SPATA6L: variants seen among roughly 807,000 people sequenced by gnomAD.
SPATA6L encodes the protein spermatogenesis associated 6-like protein.
In SPATA6L, 68 loss-of-function variants were observed where a neutral mutation model predicts 49.2. The observed-to-expected ratio is 1.38, with a 90% CI of 1.14 to 1.69. The LOEUF is 1.69. SPATA6L is among the 40% of genes most tolerant of loss of function. The pLI is 0.00. For synonymous variants in SPATA6L, 198 were observed against 165.7 expected, an observed-to-expected ratio of 1.19 and a Z score of -1.50; for missense variants, 668 against 464.3, an observed-to-expected ratio of 1.44 and a Z score of -4.03.
intron 3 of SPATA6L, among the ~76,000 whole-genome samples, chr9:4,638,176 T>C (rs1013013344): frequency 6.6e-6 from 1 of 151,986 alleles, no homozygotes; most frequent in Non-Finnish European, 1.5e-5. Context: ...ATAGAGAGGC[T>C]AGGAAGACAG....
At chr9:4,618,656 A>G (rs929380183) in intron 8 of SPATA6L, among the ~76,000 whole-genome samples, 1 of 152,216 alleles carries the variant, frequency 6.6e-6, no homozygotes, top group African/African-American at 2.4e-5. Flanking sequence ...TTGGTGATTC[A>G]TCCTACTTAT....
intron 7 of SPATA6L, among the ~76,000 whole-genome samples, chr9:4,621,872 C>A (rs1829387780): frequency 6.6e-6 from 1 of 152,156 alleles, no homozygotes; most frequent in African/African-American, 2.4e-5. Flanking sequence ...AAGAAAAGCT[C>A]TTTGGGCTCT....
chr9:4,651,117 C>G (rs891335364), intron 3 of SPATA6L, among the ~76,000 whole-genome samples: 3 of 152,128 alleles, frequency 2.0e-5, no homozygotes, highest in African/African-American at 7.2e-5. Context: ...ATCCTTTCAC[C>G]TCAGCCTCCT....
chr9:4,660,041 A>C lies in SPATA6L; in HGVS notation c.177+1858T>G, dbSNP rs201324713. On this transcript the variant is annotated intron_variant, in intron 2 of 11. Transcript: ENST00000682582. ...TACAAAAATTAATTCAAGATGGATT[A>C]AAGACTTAAATGTTAGACCTAAAAC... Among the ~76,000 whole-genome samples the C allele has an allele frequency of 1.5e-3, 229 of 152,374 alleles. 3 individuals carry two copies. The East Asian group carries it at 0.033, about 22-fold the overall frequency.
intron 3 of SPATA6L, among the ~76,000 whole-genome samples, chr9:4,637,142 C>G (rs1832970290): frequency 6.6e-6 from 1 of 152,146 alleles, no homozygotes; most frequent in Admixed American, 6.6e-5. Flanking sequence ...TATTGCCACT[C>G]TCCCCCTTGA....
At chr9:4,609,027 A>T (rs1282365421) in intron 9 of SPATA6L, among the ~76,000 whole-genome samples, 1 of 151,172 alleles carries the variant, frequency 6.6e-6, no homozygotes, top group Non-Finnish European at 1.5e-5. Context: ...CCTCTACGCA[A>T]ATAAACTACA....
At chr9:4,652,238 T>C (rs1441496353) in intron 3 of SPATA6L, among the ~76,000 whole-genome samples, 3 of 151,700 alleles carry the variant, frequency 2.0e-5, no homozygotes, top group Non-Finnish European at 2.9e-5. Flanking sequence ...CTGACAAACA[T>C]GGAGAAACCC....
chr9:4,603,017 G>C (rs1823749980), intron 11 of SPATA6L, among the ~76,000 whole-genome samples: 2 of 152,186 alleles, frequency 1.3e-5, no homozygotes. Flanking sequence ...GAAAAGAAAA[G>C]AATATATGAG....
rs529927378 is a variant in SPATA6L at position 4,606,155 on chromosome 9, C to T, written c.996-715G>A. ...CCTGGCTCGGAGGGTCCTACGCCCA[C>T]GGAGTCTCGCTGATTGCTAGCACAG... On this transcript the variant is annotated intron_variant, in intron 9 of 11. Transcript: ENST00000682582. Among the ~76,000 whole-genome samples, 11 of 151,858 alleles carry T rather than the reference C, an allele frequency of 7.2e-5. 1 individual carries two copies. The highest frequency in any genetic ancestry group is 3.9e-4 in the East Asian group (2 of 5,122).
intron 3 of SPATA6L, among the ~76,000 whole-genome samples, chr9:4,641,248 T>C (rs1833971780): frequency 6.6e-6 from 1 of 152,182 alleles, no homozygotes; most frequent in Non-Finnish European, 1.5e-5. Flanking sequence ...TTATATATAC[T>C]GTATTTAATA....
intron 8 of SPATA6L, 91 bp from the exon 9 acceptor site, chr9:4,618,201 C>T (rs180744616): frequency 3.5e-5 from 39 of 1,125,466 alleles, no homozygotes; most frequent in Admixed American, 3.0e-4. Context: ...GAAGATAACT[C>T]GGGCTAAGAT....
At position 4,592,113 on chromosome 9, in the gene SPATA6L, G is replaced by C. The variant is rs972810441; in HGVS notation, c.*255-3152C>G. ...GTGGATCATCTGAGGTCAGGAGTTC[G>C]AGACCAGCCTGGCCAACATGATGAA... is the stretch of plus-strand genomic sequence containing the variant. On this transcript the variant is annotated intron_variant and NMD_transcript_variant, in intron 13 of 13. Coordinates refer to the SPATA6L transcript ENST00000461761. 1.8e-4 allele frequency among the ~76,000 whole-genome samples: 27 copies of C among 151,984 alleles called. 1 individual carries two copies. Among genetic ancestry groups the C allele is most frequent in the Admixed American group, 1.8e-3 (27 of 15,268 alleles).
rs929592613 is a variant in SPATA6L at position 4,649,433 on chromosome 9, T to C, written c.226+6608A>G. ...GATTATGGTCAGGCTCTAAATTCTA[T>C]ATAGTCAATTAATTCTCATCATAAC... is the stretch of plus-strand genomic sequence containing the variant. On this transcript the variant is annotated intron_variant, in intron 3 of 11. Coordinates refer to ENST00000682582, the MANE Select transcript of SPATA6L (RefSeq NM_001353486.2). Among the ~76,000 whole-genome samples the C allele has an allele frequency of 5.9e-5, 9 of 152,382 alleles. No individual in the cohort carries two copies. In the East Asian group the frequency reaches 1.5e-3, roughly 26 times the overall value.
intron 9 of SPATA6L, 82 bp downstream of exon 9, chr9:4,617,841 G>T: frequency 8.6e-7 from 1 of 1,158,526 alleles, no homozygotes; most frequent in East Asian, 2.5e-5. Context: ...CCTAAGAAAG[G>T]AAGCTGGTGA....
At chr9:4,595,994 A>C (rs1822223052), downstream of SPATA6L, among the ~76,000 whole-genome samples, 3 of 152,178 alleles carry the variant, frequency 2.0e-5, no homozygotes, top group African/African-American at 7.2e-5. Flanking sequence ...GGGGTGTTAC[A>C]TGCTCCACTT....
At chr9:4,647,425 C>G (rs1387777440) in intron 3 of SPATA6L, among the ~76,000 whole-genome samples, 1 of 152,048 alleles carries the variant, frequency 6.6e-6, no homozygotes, top group African/African-American at 2.4e-5. Flanking sequence ...AACCCCGTGT[C>G]TACTAAAAAT....
At chr9:4,623,006 A>G (rs4742019) in intron 6 of SPATA6L, among the ~76,000 whole-genome samples, 34,664 of 152,054 alleles carry the variant, frequency 0.23, 6,101 homozygotes, top group African/African-American at 0.48. Flanking sequence ...TAGGCCGGGT[A>G]CAGTGGCTCA....
chr9:4,637,586 A>G (rs913925727), intron 3 of SPATA6L, among the ~76,000 whole-genome samples: 10 of 152,180 alleles, frequency 6.6e-5, no homozygotes, highest in African/African-American at 2.2e-4. Flanking sequence ...CAAGACAATC[A>G]CACCTGAAAA....
In SPATA6L at chr9:4,662,386, C is replaced by A. The variant is rs745374841; in HGVS notation, c.40-350G>T. ...GGGCCGCCAGCTGCGATGCCAAGTC[C>A]CCGGAGGAGCATGGAGGGACGGCCG... On this transcript the variant is annotated intron_variant, in intron 1 of 11. Coordinates refer to ENST00000682582, the MANE Select transcript of SPATA6L (RefSeq NM_001353486.2). This position sits in a 1 kb window ranked among gnomAD's most constrained non-coding sequence, Gnocchi z 4.9. 6.5e-7 allele frequency: 1 copy of A among 1,528,420 alleles called. No individual in the cohort carries two copies. Among genetic ancestry groups the A allele is most frequent in the Non-Finnish European group, 8.7e-7 (1 of 1,145,256 alleles). The allele number at this position is 1,528,420 out of a possible 1,614,324, so 94.7% of individuals were successfully genotyped here. A position where few individuals can be genotyped will look rare whatever the true frequency, so the allele number is the denominator to read the frequency against.
Sources: gnomAD v4.1 joint callset for allele counts (sites outside exome capture counted in the v4.1 genomes callset) on GRCh38, gnomAD v4.1.1 for gene constraint, Gnocchi (gnomAD v3.1) non-coding constraint, MANE v1.5 for transcripts, NCBI Gene and HGNC (gene_info 2026-07-23, HGNC 2026-07-21) for gene names.